Variants in GRIP1 observed in about 807,000 individuals in gnomAD.
GRIP1 encodes glutamate receptor-interacting protein 1.
GRIP1 carries 45 observed loss-of-function variants against 129.9 expected under a neutral mutation model. The ratio of observed to expected loss-of-function variants is 0.35; its 90% CI spans 0.27 to 0.44. GRIP1 has a LOEUF of 0.44. Among genes scored for constraint, GRIP1 ranks in the 20% least tolerant of loss-of-function variants. The pLI is 1.00. For missense variants in GRIP1, 1,196 were observed against 1,396.8 expected (o/e 0.86, Z 2.29); for synonymous variants, 530 against 520.8 (o/e 1.02, Z -0.24).
At chr12:66,891,249 A>G (rs1233498732) in intron 1 of GRIP1, among the ~76,000 whole-genome samples, 1 of 152,232 alleles carries the variant, frequency 6.6e-6, no homozygotes, top group Admixed American at 6.5e-5. Flanking sequence ...TAAAATTCAT[A>G]CAAGGCCTTG....
intron 7 of GRIP1, among the ~76,000 whole-genome samples, chr12:66,482,133 G>A (rs1565787099): frequency 6.6e-6 from 1 of 152,112 alleles, no homozygotes; most frequent in Non-Finnish European, 1.5e-5. Flanking sequence ...AATATGATAT[G>A]ATTTCCAGGT....
At chr12:66,462,101 G>C (rs2059153141) in intron 9 of GRIP1, among the ~76,000 whole-genome samples, 1 of 152,142 alleles carries the variant, frequency 6.6e-6, no homozygotes, top group Non-Finnish European at 1.5e-5. Context: ...TGAATTTCAA[G>C]GGAGTCAAAA....
chr12:66,601,014 G>A (rs1592628347), intron 1 of GRIP1, among the ~76,000 whole-genome samples: 1 of 152,294 alleles, frequency 6.6e-6, no homozygotes, highest in African/African-American at 2.4e-5. Flanking sequence ...AAGAACATGG[G>A]TCCCTTTAGA....
At chr12:66,973,163 A>G (rs1272078929) in intron 1 of GRIP1, among the ~76,000 whole-genome samples, 1 of 152,182 alleles carries the variant, frequency 6.6e-6, no homozygotes, top group African/African-American at 2.4e-5. Context: ...AGTAACATGT[A>G]ATTTTTATAA....
intron 1 of GRIP1, among the ~76,000 whole-genome samples, chr12:67,013,438 A>G (rs1371766438): frequency 6.6e-6 from 1 of 152,188 alleles, no homozygotes; most frequent in Non-Finnish European, 1.5e-5. Context: ...TTTATTGGCC[A>G]AATCCTTCTT....
At chr12:66,593,229 C>T (rs1475384306) in intron 2 of GRIP1, among the ~76,000 whole-genome samples, 1 of 151,600 alleles carries the variant, frequency 6.6e-6, no homozygotes, top group Non-Finnish European at 1.5e-5. Flanking sequence ...CATTTTGCTC[C>T]TAAGAGTGTT....
Position 66,548,789 on chromosome 12 carries a change from G to A in GRIP1, c.137-6839C>T, listed in dbSNP as rs535023904. The stretch of plus-strand genomic sequence containing the variant: ...GAAAACAGGAAGTTTGTGTTGCTGC[G>A]GGTGATTGGAGTGGGGCAGGCACAC... On this transcript the variant is annotated intron_variant, in intron 2 of 24. Coordinates refer to ENST00000359742, the MANE Select transcript of GRIP1 (RefSeq NM_001366722.1). Among the ~76,000 whole-genome samples, 17 of 152,210 alleles carry A rather than the reference G, an allele frequency of 1.1e-4. No individual in the cohort carries two copies. In the East Asian group the frequency reaches 1.7e-3, roughly 16 times the overall value.
intron 23 of GRIP1, among the ~76,000 whole-genome samples, chr12:66,359,820 G>C (rs1481964327): frequency 6.6e-6 from 1 of 152,162 alleles, no homozygotes; most frequent in Non-Finnish European, 1.5e-5. Flanking sequence ...GGGGAGCACA[G>C]GGGGCTGTTC....
At chr12:67,068,280 T>G (rs887260430) in intron 1 of GRIP1, among the ~76,000 whole-genome samples, 4 of 152,298 alleles carry the variant, frequency 2.6e-5, no homozygotes, top group South Asian at 4.1e-4. Context: ...CCAGCACACT[T>G]GTCAAGCTGA....
rs1217073258 is a variant in GRIP1, at chr12:66,530,335, C to G, written c.419-421G>C. ...ATTTATTTTTATTTTGCAGCTGGCA[C>G]AGGAAGAAAAATTATCATTCTCAGA... On this transcript the variant is annotated intron_variant, in intron 4 of 24. Coordinates refer to ENST00000359742, the MANE Select transcript of GRIP1 (RefSeq NM_001366722.1). 3.3e-5 allele frequency among the ~76,000 whole-genome samples: 5 copies of G among 152,222 alleles called. 1 individual carries two copies. Among genetic ancestry groups the G allele is most frequent in the South Asian group, 4.1e-4 (2 of 4,822 alleles).
At chr12:66,523,852 A>C (rs12369328) in intron 5 of GRIP1, among the ~76,000 whole-genome samples, 10,523 of 152,240 alleles carry the variant, frequency 0.069, 457 homozygotes, top group Admixed American at 0.14. Context: ...AGCAAACAGA[A>C]AACAAAAAAA....
chr12:66,490,869 T>C (rs1415045019), intron 7 of GRIP1, among the ~76,000 whole-genome samples: 1 of 152,142 alleles, frequency 6.6e-6, no homozygotes, highest in Non-Finnish European at 1.5e-5. Context: ...AAGCTCCACA[T>C]CACTGATCAT....
chr12:66,540,337 ATAAC>A (rs1376552302), intron 3 of GRIP1, among the ~76,000 whole-genome samples: 7 of 152,246 alleles, frequency 4.6e-5, no homozygotes, highest in Non-Finnish European at 7.3e-5. Flanking sequence ...AATTCTCAAT[ATAAC>A]TGGCACAGTA....
chr12:66,384,540 A>G (rs1162932436), intron 19 of GRIP1, among the ~76,000 whole-genome samples: 5 of 152,256 alleles, frequency 3.3e-5, no homozygotes, highest in Non-Finnish European at 5.9e-5. Flanking sequence ...TTTTAAACTG[A>G]AGACCTTTGA....
chr12:66,890,078 G>T (rs1382298821), intron 1 of GRIP1, among the ~76,000 whole-genome samples: 2 of 151,968 alleles, frequency 1.3e-5, no homozygotes, highest in Non-Finnish European at 2.9e-5. Flanking sequence ...ACAGGTATGT[G>T]CCACCATGCC....
chr12:66,612,286 A>G (rs982766156), intron 1 of GRIP1, among the ~76,000 whole-genome samples: 2 of 152,146 alleles, frequency 1.3e-5, no homozygotes, highest in African/African-American at 4.8e-5. Flanking sequence ...ATTACAGCCT[A>G]TTGCTCCTAG....
At chr12:66,449,265 A>G (rs970819097) in intron 11 of GRIP1, among the ~76,000 whole-genome samples, 1 of 152,226 alleles carries the variant, frequency 6.6e-6, no homozygotes, top group Non-Finnish European at 1.5e-5. Context: ...CAAATGCTGA[A>G]TAAATGAGGA....
chr12:66,948,732 T>C (rs554121274), intron 1 of GRIP1, among the ~76,000 whole-genome samples: 11 of 152,280 alleles, frequency 7.2e-5, no homozygotes, highest in South Asian at 4.1e-4. Flanking sequence ...AAAGGATACA[T>C]AGGTAAATGG....
At chr12:67,058,829 C>A (rs1358610986) in intron 1 of GRIP1, among the ~76,000 whole-genome samples, 1 of 152,154 alleles carries the variant, frequency 6.6e-6, no homozygotes, top group Non-Finnish European at 1.5e-5. Flanking sequence ...CTTATCCCTG[C>A]CCTTTACAGT....
Sources: gnomAD v4.1 joint callset for allele counts (sites outside exome capture counted in the v4.1 genomes callset) on GRCh38, gnomAD v4.1.1 for gene constraint, MANE v1.5 for transcripts, NCBI Gene and HGNC (gene_info 2026-07-23, HGNC 2026-07-21) for gene names.